The following HS6ST2 variants were observed in gnomAD, a reference collection of about 807,000 sequenced individuals.
The protein encoded by HS6ST2 is heparan sulfate 6-O-sulfotransferase 2.
HS6ST2 carries 17 observed loss-of-function variants against 33.0 expected under a neutral mutation model. That is an observed-to-expected ratio of 0.52 (90% confidence interval 0.35 to 0.77). The LOEUF is 0.77. HS6ST2 is among the 30% of genes least tolerant of loss of function. The probability of loss-of-function intolerance (pLI) is 0.01; values close to 1 mark genes in which losing one functional copy is unlikely to be tolerated. For synonymous variants in HS6ST2, 248 were observed against 237.1 expected (o/e 1.05, Z -0.42); for missense variants, 519 against 551.7 (o/e 0.94, Z 0.59).
chrX:132,867,530 G>A (rs1294600842), intron 2 of HS6ST2, among the ~76,000 whole-genome samples: 3 of 111,805 alleles, frequency 2.7e-5, no homozygotes, highest in Non-Finnish European at 5.6e-5. Flanking sequence ...TTTTTCTACT[G>A]ATTGGAATAG....
At chrX:132,678,294 T>C (rs1476147567) in intron 3 of HS6ST2, among the ~76,000 whole-genome samples, 2 of 112,114 alleles carry the variant, frequency 1.8e-5, no homozygotes, top group African/African-American at 6.5e-5. Context: ...AAGTCAAGGC[T>C]GCAGTGAGCT....
chrX:132,812,135 G>A (rs1056586318), intron 2 of HS6ST2, among the ~76,000 whole-genome samples: 1 of 109,359 alleles, frequency 9.1e-6, no homozygotes, highest in East Asian at 2.9e-4. Context: ...GGCCGGGCGC[G>A]GTGGTTCACA....
intron 2 of HS6ST2, among the ~76,000 whole-genome samples, chrX:132,868,134 C>T (rs1283281874): frequency 9.0e-6 from 1 of 111,417 alleles, no homozygotes; most frequent in Admixed American, 9.5e-5. Context: ...GGGTTGCAAT[C>T]CTAGTCTCAG....
At chrX:132,794,055 C>T (rs987895959) in intron 2 of HS6ST2, among the ~76,000 whole-genome samples, 5 of 112,866 alleles carry the variant, frequency 4.4e-5, no homozygotes, top group Non-Finnish European at 9.4e-5. Context: ...TGCGTGCATA[C>T]GCTGTGAGTA....
intron 2 of HS6ST2, among the ~76,000 whole-genome samples, chrX:132,732,220 T>C (rs1394054036): frequency 8.9e-6 from 1 of 111,858 alleles, no homozygotes; most frequent in African/African-American, 3.2e-5. Flanking sequence ...ACAAACCATT[T>C]CTTATTGGTT....
At chrX:132,652,165 G>T (rs908905716) in intron 4 of HS6ST2, among the ~76,000 whole-genome samples, 2 of 111,295 alleles carry the variant, frequency 1.8e-5, no homozygotes, top group East Asian at 5.7e-4. Context: ...GTAGTTTCGC[G>T]GCTGCTGTTT....
chrX:132,811,333 GT>G (rs1284349971), intron 2 of HS6ST2, among the ~76,000 whole-genome samples: 2 of 109,095 alleles, frequency 1.8e-5, no homozygotes, highest in Middle Eastern at 4.7e-3. Context: ...GCTCTAGAAA[GT>G]TTTTTTTTAA....
chrX:132,752,544 C>T (rs2064716883), intron 2 of HS6ST2, among the ~76,000 whole-genome samples: 1 of 110,942 alleles, frequency 9.0e-6, no homozygotes, highest in South Asian at 3.9e-4. Flanking sequence ...CTCAGACTGC[C>T]TAGCTTTGAA....
chrX:132,750,471 C>T (rs756422850), intron 2 of HS6ST2, among the ~76,000 whole-genome samples: 1 of 110,894 alleles, frequency 9.0e-6, no homozygotes, highest in Non-Finnish European at 1.9e-5. Context: ...CAACAATCTA[C>T]TTTTAAAACT....
In HS6ST2 at chrX:132,803,749, G is replaced by A. The variant is rs772446066; in HGVS notation, c.948-95255C>T. Among the ~76,000 whole-genome samples the A allele has an allele frequency of 2.7e-5, 3 of 111,970 alleles. No homozygotes were observed. The East Asian group carries it at 8.4e-4, about 32-fold the overall frequency. On this transcript the variant is annotated intron_variant, in intron 2 of 4. Coordinates refer to ENST00000370833, the MANE Select transcript of HS6ST2 (RefSeq NM_001394073.1). ...GAATTTCAAAAATTTTCTTAGAATT[G>A]CCAGCTGCTGTCTTGGGTAAGTGAT... is the stretch of plus-strand genomic sequence containing the variant.
chrX:132,894,606 A>T (rs1602832245), intron 2 of HS6ST2, among the ~76,000 whole-genome samples: 1 of 110,213 alleles, frequency 9.1e-6, no homozygotes, highest in Non-Finnish European at 1.9e-5. Flanking sequence ...GCACAATCTC[A>T]GCTCACTGCA....
At chrX:132,708,259 A>G (rs1198623588) in intron 3 of HS6ST2, among the ~76,000 whole-genome samples, 1 of 99,711 alleles carries the variant, frequency 1.0e-5, no homozygotes, top group Non-Finnish European at 2.0e-5. Context: ...AGCCTTCAGA[A>G]CTGAGACTCC....
chrX:132,882,025 T>C (rs1210677446), intron 2 of HS6ST2, among the ~76,000 whole-genome samples: 1 of 111,863 alleles, frequency 8.9e-6, no homozygotes, highest in African/African-American at 3.3e-5. Context: ...TTGGTTACTG[T>C]AGCCTTGTAG....
Position 132,870,221 on chromosome X carries a change from G to A in HS6ST2, c.947+86587C>T, listed in dbSNP as rs2066044020. Among the ~76,000 whole-genome samples the A allele has an allele frequency of 4.5e-5, 5 of 111,308 alleles. No individual in the cohort carries two copies. In the Admixed American group the frequency reaches 4.8e-4, roughly 11 times the overall value. ...AATCCAACTTATAAGGGATGTGAAG[G>A]ACCTCTTCAAGGAGAACTACAAACC... On this transcript the variant is annotated intron_variant, in intron 2 of 4. Transcript: ENST00000370833.
At chrX:132,866,965 C>G (rs1357471284) in intron 2 of HS6ST2, among the ~76,000 whole-genome samples, 131 of 98,011 alleles carry the variant, frequency 1.3e-3, no homozygotes, top group African/African-American at 4.7e-3. Flanking sequence ...ATTGAATACC[C>G]TTTATTTCCT....
At chrX:132,850,995 T>C (rs2065796217) in intron 2 of HS6ST2, among the ~76,000 whole-genome samples, 1 of 112,119 alleles carries the variant, frequency 8.9e-6, no homozygotes, top group Non-Finnish European at 1.9e-5. Flanking sequence ...TCACAATTAA[T>C]GGTCTATTTT....
chrX:132,722,335 T>C (rs1415230342), intron 2 of HS6ST2, among the ~76,000 whole-genome samples: 5 of 111,812 alleles, frequency 4.5e-5, no homozygotes, highest in Non-Finnish European at 7.5e-5. Context: ...AACAAAAAGT[T>C]GGTTTATAAG....
chrX:132,650,311 A>G (rs1307562682), intron 4 of HS6ST2, among the ~76,000 whole-genome samples: 1 of 111,209 alleles, frequency 9.0e-6, no homozygotes, highest in East Asian at 2.9e-4. Flanking sequence ...TCTGGAGAGA[A>G]CAGTATGAGC....
intron 2 of HS6ST2, among the ~76,000 whole-genome samples, chrX:132,712,630 T>C (rs1460894078): frequency 8.9e-6 from 1 of 112,051 alleles, no homozygotes; most frequent in Non-Finnish European, 1.9e-5. Context: ...ATAAGTCCAT[T>C]AGTCACACAG....
Sources: allele counts gnomAD v4.1 joint callset (sites outside exome capture counted in the v4.1 genomes callset), GRCh38; gene constraint gnomAD v4.1.1; transcripts MANE v1.5; gene names NCBI Gene and HGNC (gene_info 2026-07-23, HGNC 2026-07-21).